TBC1D32: variants seen among roughly 807,000 people sequenced by gnomAD.
TBC1D32 encodes protein broad-minded.
Under a neutral mutation model 170.3 loss-of-function variants are expected in TBC1D32, and 151 were observed. That is an observed-to-expected ratio of 0.89 (90% CI 0.78 to 1.01). TBC1D32 has a LOEUF of 1.01. Among genes scored for constraint, TBC1D32 ranks in the 50% least tolerant of loss-of-function variants. The pLI is 0.00. For synonymous variants in TBC1D32, 498 were observed against 488.0 expected, an observed-to-expected ratio of 1.02 and a Z score of -0.27; for missense variants, 1,464 against 1,457.1, an observed-to-expected ratio of 1.00 and a Z score of -0.08.
intron 13 of TBC1D32, among the ~76,000 whole-genome samples, chr6:121,283,558 T>C (rs896283749): frequency 6.6e-6 from 1 of 151,854 alleles, no homozygotes; most frequent in African/African-American, 2.4e-5. Flanking sequence ...CATTTTGATC[T>C]TAATAAAGAA....
chr6:121,190,124 ACACACACG>A, intron 22 of TBC1D32, among the ~76,000 whole-genome samples: 1 of 33,578 alleles, frequency 3.0e-5, no homozygotes, highest in African/African-American at 1.1e-4. Context: ...ACACACACAC[ACACACACG>A]ACCCTCTCCG....
At chr6:121,197,145 G>A (rs1429574238) in intron 22 of TBC1D32, among the ~76,000 whole-genome samples, 1 of 152,158 alleles carries the variant, frequency 6.6e-6, no homozygotes, top group Admixed American at 6.5e-5. Context: ...CTATCAAGAC[G>A]AAATCAGTCT....
At chr6:121,187,550 T>C (rs374484413) in intron 22 of TBC1D32, among the ~76,000 whole-genome samples, 18 of 152,218 alleles carry the variant, frequency 1.2e-4, no homozygotes, top group Admixed American at 7.2e-4. Context: ...TGAAATTATA[T>C]TGTGGAAGCC....
intron 17 of TBC1D32, among the ~76,000 whole-genome samples, chr6:121,245,060 G>C (rs1272339405): frequency 1.3e-5 from 2 of 152,188 alleles, no homozygotes; most frequent in African/African-American, 4.8e-5. Context: ...CTAGGAAGGA[G>C]AAAATGGCTG....
rs537242269 is a variant in TBC1D32, at chr6:121,248,687, C to G, written c.2019-6348G>C. Among the ~76,000 whole-genome samples the G allele has an allele frequency of 9.2e-5, 14 of 151,560 alleles. 1 individual carries two copies. The highest frequency in any genetic ancestry group is 8.5e-4 in the Admixed American group (13 of 15,206). ...GCTACTATGAACACCTTTATGTGCA[C>G]AAACTAGAAAATCTAGAGGAGATAA... On this transcript the variant is annotated intron_variant, in intron 17 of 31. Transcript: ENST00000398212.
At chr6:121,253,594 C>T (rs569900422) in intron 17 of TBC1D32, among the ~76,000 whole-genome samples, 1 of 152,184 alleles carries the variant, frequency 6.6e-6, no homozygotes, top group Non-Finnish European at 1.5e-5. Context: ...TGGTGGGCGC[C>T]TGTAGTCCCA....
In TBC1D32 at chr6:121,281,849, T is replaced by G. The variant is rs531450154; in HGVS notation, c.1466-163A>C. 7.9e-5 allele frequency among the ~76,000 whole-genome samples: 12 copies of G among 151,804 alleles called. No individual in the cohort carries two copies. The East Asian group carries it at 2.1e-3, about 27-fold the overall frequency. On this transcript the variant is annotated intron_variant, in intron 13 of 31. Coordinates refer to ENST00000398212, the MANE Select transcript of TBC1D32 (RefSeq NM_152730.6). ...GAAGATGTACTACCAAATTATAACC[T>G]GACTTAGGGGAATCTCAATTGGCTT...
intron 21 of TBC1D32, among the ~76,000 whole-genome samples, chr6:121,219,150 G>T (rs1408169696): frequency 1.3e-5 from 2 of 152,144 alleles, no homozygotes. Flanking sequence ...GTTGACAGAA[G>T]AGAAAGAAAC....
chr6:121,103,117 C>T (rs1264740213), intron 30 of TBC1D32, among the ~76,000 whole-genome samples: 1 of 152,008 alleles, frequency 6.6e-6, no homozygotes, highest in Non-Finnish European at 1.5e-5. Flanking sequence ...GAAATAGGAA[C>T]ACTTTTACAC....
chr6:121,235,819 G>A (rs947911522), intron 20 of TBC1D32, among the ~76,000 whole-genome samples: 4 of 152,198 alleles, frequency 2.6e-5, no homozygotes, highest in African/African-American at 7.2e-5. Context: ...AACAGTTCAC[G>A]ATGTAAGTCT....
chr6:121,101,842 T>A (rs1189418652), intron 30 of TBC1D32, among the ~76,000 whole-genome samples: 1 of 152,076 alleles, frequency 6.6e-6, no homozygotes, highest in Non-Finnish European at 1.5e-5. Flanking sequence ...GAAAACCCCA[T>A]TGTCTCAGCC....
chr6:121,322,279 A>G (rs1200659659), intron 1 of TBC1D32, among the ~76,000 whole-genome samples: 2 of 152,162 alleles, frequency 1.3e-5, no homozygotes, highest in Non-Finnish European at 2.9e-5. Flanking sequence ...AACAGTTCTT[A>G]TGTTACTAAG....
intron 26 of TBC1D32, among the ~76,000 whole-genome samples, chr6:121,118,349 A>G (rs1378927622): frequency 1.3e-5 from 2 of 152,182 alleles, no homozygotes; most frequent in Admixed American, 1.3e-4. Flanking sequence ...TTACCCACTT[A>G]CTAACAATGC....
chr6:121,241,446 A>T lies in TBC1D32; in HGVS notation c.2245+19T>A. 6.3e-7 allele frequency: 1 copy of T among 1,594,658 alleles called. No individual in the cohort carries two copies. Among genetic ancestry groups the T allele is most frequent in the Non-Finnish European group, 8.6e-7 (1 of 1,166,332 alleles). The stretch of plus-strand genomic sequence containing the variant: ...TATCTTTAAAATAATTATAATTCTA[A>T]TGAAAAGAAAACATTTACCTGACTT... On this transcript the variant is annotated intron_variant, in intron 19 of 31. Transcript: ENST00000398212.
intron 22 of TBC1D32, among the ~76,000 whole-genome samples, chr6:121,189,364 G>A (rs925547281): frequency 6.6e-6 from 1 of 151,876 alleles, no homozygotes; most frequent in East Asian, 1.9e-4. Flanking sequence ...CTGACACAGT[G>A]AGTCTAACTG....
At chr6:121,173,920 T>TTA (rs1787409222) in intron 22 of TBC1D32, among the ~76,000 whole-genome samples, 1 of 147,696 alleles carries the variant, frequency 6.8e-6, no homozygotes, top group African/African-American at 2.5e-5. Context: ...TAAGAAAAAA[T>TTA]AAAAAAAAAA....
intron 31 of TBC1D32, among the ~76,000 whole-genome samples, chr6:121,081,600 C>A (rs1246566873): frequency 2.0e-5 from 3 of 151,638 alleles, no homozygotes; most frequent in African/African-American, 7.3e-5. Context: ...AAAATTCATG[C>A]CTTTCAGGAG....
Position 121,115,222 on chromosome 6 carries a change from C to T in TBC1D32, c.3003G>A (p.Lys1001=), listed in dbSNP as rs762094887. Residue 1001 remains lysine, a synonymous_variant, in exon 27 of 32, where the codon AAG becomes AAA. Coordinates refer to ENST00000398212, the MANE Select transcript of TBC1D32 (RefSeq NM_152730.6). ...GCTGCACAGATGAAAGACTTTCATT[C>T]TTCACATTTGCATCAGTAGCTAAAG... ...VEYTATDANV[K]NESLSSVQQL... The T allele has an allele frequency of 1.9e-6, 3 of 1,599,430 alleles. No homozygotes were observed. Among genetic ancestry groups the T allele is most frequent in the East Asian group, 4.5e-5 (2 of 44,462 alleles).
At chr6:121,244,529 G>A (rs1168668138) in intron 17 of TBC1D32, among the ~76,000 whole-genome samples, 1 of 152,112 alleles carries the variant, frequency 6.6e-6, no homozygotes, top group Non-Finnish European at 1.5e-5. Flanking sequence ...AAGTTCCAGA[G>A]GGGAGTATAA....
Sources: gnomAD v4.1 joint callset for allele counts (sites outside exome capture counted in the v4.1 genomes callset) on GRCh38, gnomAD v4.1.1 for gene constraint, MANE v1.5 for transcripts, NCBI Gene and HGNC (gene_info 2026-07-23, HGNC 2026-07-21) for gene names.